The following DPP4 variants were observed in gnomAD, a reference collection of about 807,000 sequenced individuals.
DPP4 encodes dipeptidyl peptidase 4.
DPP4 carries 93 observed loss-of-function variants against 122.4 expected under a neutral mutation model. The ratio of observed to expected loss-of-function variants is 0.76; its 90% CI spans 0.64 to 0.90. DPP4 has a LOEUF of 0.90. Among genes scored for constraint, DPP4 ranks in the 40% least tolerant of loss-of-function variants. DPP4 has a pLI of 0.00. For missense variants in DPP4, 914 were observed against 907.3 expected (o/e 1.01, Z -0.09); for synonymous variants, 321 against 302.9 (o/e 1.06, Z -0.62).
intron 2 of DPP4, among the ~76,000 whole-genome samples, chr2:162,052,873 T>TA (rs1356296567): frequency 4.6e-5 from 7 of 152,090 alleles, no homozygotes; most frequent in Non-Finnish European, 8.8e-5. Context: ...CAGATAGAAA[T>TA]AAAGATCTCA....
intron 4 of DPP4, 72 bp downstream of exon 4, chr2:162,046,843 C>T (rs1441649871): frequency 1.0e-6 from 1 of 966,514 alleles, no homozygotes; most frequent in Admixed American, 1.8e-5. Context: ...AATGACAGTA[C>T]TCGTGATTCC....
At chr2:162,059,145 C>T (rs1161687290) in intron 2 of DPP4, among the ~76,000 whole-genome samples, 1 of 152,166 alleles carries the variant, frequency 6.6e-6, no homozygotes, top group African/African-American at 2.4e-5. Flanking sequence ...AGTTACACTG[C>T]CTGGTTCCCT....
intron 2 of DPP4, among the ~76,000 whole-genome samples, chr2:162,053,664 G>A (rs1684463919): frequency 6.6e-6 from 1 of 152,186 alleles, no homozygotes; most frequent in African/African-American, 2.4e-5. Flanking sequence ...CTCTTCAGCT[G>A]CCACATATAT....
At chr2:162,035,423 AG>A (rs754565158) in intron 8 of DPP4, 99 bp from the exon 9 acceptor site, 1 of 1,084,796 alleles carries the variant, frequency 9.2e-7, no homozygotes, top group Non-Finnish European at 1.3e-6. Context: ...ATTACAGTAG[AG>A]TTCAACTAAT....
chr2:162,035,784 T>C (rs1434180321), intron 8 of DPP4, among the ~76,000 whole-genome samples: 3 of 152,118 alleles, frequency 2.0e-5, no homozygotes, highest in Admixed American at 1.3e-4. Flanking sequence ...CAAACCAATA[T>C]GGTGCCCAGA....
At chr2:162,000,787 C>T (rs1414756333) in intron 23 of DPP4, among the ~76,000 whole-genome samples, 1 of 152,194 alleles carries the variant, frequency 6.6e-6, no homozygotes, top group African/African-American at 2.4e-5. Flanking sequence ...GCCCTCTTCT[C>T]TTGGCAACAA....
At chr2:162,003,121 C>A (rs898648848) in intron 23 of DPP4, among the ~76,000 whole-genome samples, 11 of 152,086 alleles carry the variant, frequency 7.2e-5, no homozygotes, top group Non-Finnish European at 1.3e-4. Flanking sequence ...CGACTCCTGG[C>A]GTGGAAGGAT....
At position 162,038,327 on chromosome 2, in the gene DPP4, A is replaced by G. The variant is rs1286336803; in HGVS notation, c.588T>C (p.Asn196=). Residue 196 remains asparagine (N), a synonymous_variant, in exon 8 of 26, where the codon AAT becomes AAC. Transcript: ENST00000360534. ...TWTGKEDIIY[N]GITDWVYEEE... is the part of the protein sequence containing the mutation. ...CTTCATAAACCCAGTCAGTTATTCC[A>G]TTATATATTATATCTTCTTTCCCCG... The G allele has an allele frequency of 1.2e-6, 2 of 1,600,394 alleles. No homozygotes were observed. Among genetic ancestry groups the G allele is most frequent in the South Asian group, 2.3e-5 (2 of 87,928 alleles).
chr2:162,058,336 C>A (rs1215019454), intron 2 of DPP4, among the ~76,000 whole-genome samples: 2 of 152,142 alleles, frequency 1.3e-5, no homozygotes, highest in Non-Finnish European at 2.9e-5. Context: ...GATCATCACC[C>A]CTGCTCATGG....
At chr2:162,042,445 T>A (rs1427109216) in intron 5 of DPP4, among the ~76,000 whole-genome samples, 1 of 152,180 alleles carries the variant, frequency 6.6e-6, no homozygotes, top group South Asian at 2.1e-4. Flanking sequence ...TTGGAAGTGA[T>A]AGCACTAACT....
chr2:162,033,328 G>A (rs1465406424), intron 10 of DPP4, among the ~76,000 whole-genome samples: 1 of 152,136 alleles, frequency 6.6e-6, no homozygotes, highest in East Asian at 1.9e-4. Context: ...GGGGCTGGCT[G>A]CTCTGTCCAT....
In DPP4 at chr2:162,073,501, G is replaced by A. The variant is rs1287607171; in HGVS notation, c.7-15C>T. On this transcript the variant is annotated splice_polypyrimidine_tract_variant and intron_variant, in intron 1 of 25. Transcript: ENST00000360534. ...TTCCACGGTGTCTGCAAGCCGAGCA[G>A]ATCAAGTCCAATTAGAGGGAAGCGT... 6.2e-7 allele frequency: 1 copy of A among 1,612,988 alleles called. No homozygotes were observed. The highest frequency in any genetic ancestry group is 1.3e-5 in the African/African-American group (1 of 74,898).
intron 5 of DPP4, among the ~76,000 whole-genome samples, chr2:162,041,080 G>A: frequency 6.6e-6 from 1 of 151,686 alleles, no homozygotes. Context: ...AGAGTTATAT[G>A]AACAAGAAGA....
chr2:162,016,668 T>A, intron 18 of DPP4, 100 bp downstream of exon 18: 2 of 708,758 alleles, frequency 2.8e-6, no homozygotes, highest in South Asian at 3.2e-5. Context: ...TAAATTAGAT[T>A]TATATATAAT....
At chr2:162,024,133 G>A (rs1683232488) in intron 11 of DPP4, among the ~76,000 whole-genome samples, 2 of 152,188 alleles carry the variant, frequency 1.3e-5, no homozygotes. Context: ...AGGGGGATTG[G>A]GGAGGTATCC....
At chr2:162,005,027 G>A (rs1010355982) in intron 23 of DPP4, among the ~76,000 whole-genome samples, 1 of 152,128 alleles carries the variant, frequency 6.6e-6, no homozygotes, top group South Asian at 2.1e-4. Flanking sequence ...GTGCCAGAAG[G>A]GTCCCTAGTA....
chr2:162,073,294 C>A (rs2106165665), intron 2 of DPP4, 105 bp downstream of exon 2: 1 of 1,115,818 alleles, frequency 9.0e-7, no homozygotes, highest in East Asian at 2.4e-5. Flanking sequence ...CACTTCGGGG[C>A]ACTGGTCCAA....
intron 25 of DPP4, 100 bp from the exon 26 acceptor site, chr2:161,993,484 A>G (rs1271173779): frequency 1.2e-6 from 1 of 806,546 alleles, no homozygotes; most frequent in Non-Finnish European, 2.0e-6. Context: ...CATACATGGT[A>G]TAAAACAGAG....
intron 19 of DPP4, 56 bp from the exon 20 acceptor site, chr2:162,012,043 T>G: frequency 6.5e-7 from 1 of 1,543,934 alleles, no homozygotes; most frequent in Non-Finnish European, 8.9e-7. Context: ...AAATGAGGAA[T>G]GCTTACATTT....
Sources: gnomAD v4.1 joint callset for allele counts (sites outside exome capture counted in the v4.1 genomes callset) on GRCh38, gnomAD v4.1.1 for gene constraint, MANE v1.5 for transcripts, NCBI Gene and HGNC (gene_info 2026-07-23, HGNC 2026-07-21) for gene names.